JARID2: variants seen among roughly 807,000 people sequenced by gnomAD.
The protein encoded by JARID2 is protein Jumonji.
Under a neutral mutation model 125.6 loss-of-function variants are expected in JARID2, and 21 were observed. The observed-to-expected ratio is 0.17, with a 90% confidence interval of 0.12 to 0.24. The LOEUF is 0.24. JARID2 is among the 10% of genes least tolerant of loss of function. The probability of loss-of-function intolerance (pLI) is 1.00; values close to 1 mark genes in which losing one functional copy is unlikely to be tolerated. For missense variants in JARID2, 1,303 were observed against 1,639.6 expected, an observed-to-expected ratio of 0.79 and a Z score of 3.55; for synonymous variants, 736 against 661.6, an observed-to-expected ratio of 1.11 and a Z score of -1.73.
At position 15,377,888 on chromosome 6, in the gene JARID2, CTT is replaced by C. The variant is rs71772091; in HGVS notation, c.181+3647_181+3648del. ...TTTTTTTTCAATTTTTTTTCTTCTT[CTT>C]TTTTTTTTTTCTTTGAGATGGAGTT... On this transcript the variant is annotated intron_variant, in intron 2 of 17. Coordinates refer to ENST00000341776, the MANE Select transcript of JARID2 (RefSeq NM_004973.4). Among the ~76,000 whole-genome samples, 1,100 of 144,890 alleles carry C rather than the reference CTT, an allele frequency of 7.6e-3. 15 individuals are homozygous for C. Among genetic ancestry groups the C allele is most frequent in the African/African-American group, 0.027 (1,038 of 39,144 alleles).
At chr6:15,418,218 T>C (rs1283898116) in intron 3 of JARID2, among the ~76,000 whole-genome samples, 1 of 13,872 alleles carries the variant, frequency 7.2e-5, no homozygotes, top group Non-Finnish European at 1.5e-4. Flanking sequence ...ATATTCCTCT[T>C]TTTTTTTTTT....
At chr6:15,431,315 T>G (rs1766956325) in intron 3 of JARID2, among the ~76,000 whole-genome samples, 1 of 152,148 alleles carries the variant, frequency 6.6e-6, no homozygotes, top group South Asian at 2.1e-4. Context: ...TTTGAAATGA[T>G]TTAGGAACCC....
At chr6:15,483,803 C>T (rs1224185812) in intron 5 of JARID2, among the ~76,000 whole-genome samples, 7 of 152,266 alleles carry the variant, frequency 4.6e-5, no homozygotes, top group Middle Eastern at 3.4e-3. Context: ...GGAACTCCTA[C>T]GTTTCTCCTT....
intron 3 of JARID2, among the ~76,000 whole-genome samples, chr6:15,447,586 C>G (rs1269241820): frequency 1.3e-5 from 2 of 152,232 alleles, no homozygotes; most frequent in African/African-American, 2.4e-5. Flanking sequence ...ACCCCGTGCT[C>G]TCTCCACCCC....
At chr6:15,454,623 G>T (rs996613401) in intron 4 of JARID2, among the ~76,000 whole-genome samples, 3 of 150,634 alleles carry the variant, frequency 2.0e-5, no homozygotes, top group Non-Finnish European at 2.9e-5. Flanking sequence ...ACCTACAGGC[G>T]CAGGCAACCA....
rs532001311 is a variant in JARID2 at position 15,283,041 on chromosome 6, C to T, written c.45+36457C>T. ...TTGCCCAGGCTGGAGTGTAGTGGCG[C>T]GATCTTGGCTCACTGTAAGCTCTGC... On this transcript the variant is annotated intron_variant, in intron 1 of 17. Coordinates refer to ENST00000341776, the MANE Select transcript of JARID2 (RefSeq NM_004973.4). Among the ~76,000 whole-genome samples, 15 of 151,302 alleles carry T rather than the reference C, an allele frequency of 9.9e-5. No homozygotes were observed. In the South Asian group the frequency reaches 1.3e-3, roughly 13 times the overall value.
chr6:15,404,078 G>A (rs1710212077), intron 2 of JARID2, among the ~76,000 whole-genome samples: 5 of 152,154 alleles, frequency 3.3e-5, no homozygotes, highest in African/African-American at 9.7e-5. Flanking sequence ...TTTGTGCCTC[G>A]TTGACCACAA....
chr6:15,320,192 G>T (rs1461589652), intron 1 of JARID2, among the ~76,000 whole-genome samples: 1 of 152,216 alleles, frequency 6.6e-6, no homozygotes, highest in African/African-American at 2.4e-5. Flanking sequence ...GGTTGTGGAT[G>T]CTTGTGAAGA....
intron 1 of JARID2, among the ~76,000 whole-genome samples, chr6:15,315,414 C>T (rs1350528667): frequency 6.6e-6 from 1 of 152,130 alleles, no homozygotes; most frequent in Admixed American, 6.5e-5. Flanking sequence ...ATTTATTTGA[C>T]CCGTTGCTTT....
rs1412863464 is a variant in JARID2, at chr6:15,497,217, C to G, written c.1945+47C>G. On this transcript the variant is annotated intron_variant, in intron 7 of 17. Coordinates refer to ENST00000341776, the MANE Select transcript of JARID2 (RefSeq NM_004973.4). ...GGGGGTGGTGCCTGCCCTCCTGCCCCCAGATCCCTGCAGTTCCCTCACAGT... is the reference window on the plus strand; with the variant it reads ...GGGGGTGGTGCCTGCCCTCCTGCCCGCAGATCCCTGCAGTTCCCTCACAGT... 6.5e-6 allele frequency: 9 copies of G among 1,384,854 alleles called. No individual in the cohort carries two copies. In the East Asian group the frequency reaches 2.0e-4, roughly 31 times the overall value. 85.8% of individuals were successfully genotyped at this position (1,384,854 alleles called of 1,614,324 possible). A position where few individuals can be genotyped will look rare whatever the true frequency, so the allele number is the denominator to read the frequency against.
intron 1 of JARID2, among the ~76,000 whole-genome samples, chr6:15,365,610 T>C (rs1303100579): frequency 6.6e-6 from 1 of 150,578 alleles, no homozygotes; most frequent in East Asian, 1.9e-4. Context: ...TAATCCAATT[T>C]CAGCTGCAGC....
rs184203987 is a variant in JARID2, at chr6:15,445,697, A to G, written c.324-6309A>G. Among the ~76,000 whole-genome samples, 225 of 152,300 alleles carry G rather than the reference A, an allele frequency of 1.5e-3. 2 individuals carry two copies. Among genetic ancestry groups the G allele is most frequent in the Non-Finnish European group, 3.7e-4 (25 of 68,032 alleles). Reference sequence around the variant, plus strand: ...GGCCTGGGAACAGTTGTGCTGTGTGAGGCCATGTGGAATACAATGAAATGC... The same window carrying G: ...GGCCTGGGAACAGTTGTGCTGTGTGGGGCCATGTGGAATACAATGAAATGC... On this transcript the variant is annotated intron_variant, in intron 3 of 17. Transcript: ENST00000341776.
At position 15,246,223 on chromosome 6, in the gene JARID2, G is replaced by C. The variant is rs1444637533; in HGVS notation, c.-317G>C. On this transcript the variant is annotated 5_prime_UTR_variant, in exon 1 of 18. Transcript: ENST00000341776. ...GATGTAGTTTTTGGAGGAAAAAGGG[G>C]GGGGAGTGAAGGGCGTCGGTTTTTT... 1 of 471,708 alleles carries C rather than the reference G, an allele frequency of 2.1e-6. No homozygotes were observed. Among genetic ancestry groups the C allele is most frequent in the Non-Finnish European group, 3.7e-6 (1 of 269,828 alleles). The allele number at this position is 471,708 out of a possible 1,614,324, so 29.2% of individuals were successfully genotyped here. A position where few individuals can be genotyped will look rare whatever the true frequency, so the allele number is the denominator to read the frequency against.
At chr6:15,432,267 A>G (rs1766998241) in intron 3 of JARID2, among the ~76,000 whole-genome samples, 1 of 152,162 alleles carries the variant, frequency 6.6e-6, no homozygotes. Context: ...TGTCTCTACT[A>G]AAAATACAAA....
intron 5 of JARID2, among the ~76,000 whole-genome samples, chr6:15,486,804 G>T (rs958853384): frequency 1.2e-4 from 6 of 49,160 alleles, no homozygotes; most frequent in African/African-American, 4.5e-4. Context: ...TCTGAGAATA[G>T]ACTTTTTTTT....
chr6:15,392,204 C>T (rs1055576241), intron 2 of JARID2, among the ~76,000 whole-genome samples: 1 of 152,068 alleles, frequency 6.6e-6, no homozygotes, highest in Admixed American at 6.6e-5. Flanking sequence ...GGCCTAAAAC[C>T]ATTTCTAATA....
At chr6:15,386,132 G>T (rs1480624154) in intron 2 of JARID2, among the ~76,000 whole-genome samples, 1 of 152,056 alleles carries the variant, frequency 6.6e-6, no homozygotes. Flanking sequence ...AATTTAATGG[G>T]CCTTAGGTGT....
At chr6:15,505,570 G>A (rs1444532276) in intron 9 of JARID2, among the ~76,000 whole-genome samples, 1 of 152,206 alleles carries the variant, frequency 6.6e-6, no homozygotes, top group Non-Finnish European at 1.5e-5. Flanking sequence ...AGCTTAGGAT[G>A]TCCAGCCCTG....
chr6:15,437,568 TTTTCTCTACCCTCTTAAGTTCAG>T (rs1455579694), intron 3 of JARID2, among the ~76,000 whole-genome samples: 3 of 152,146 alleles, frequency 2.0e-5, no homozygotes, highest in African/African-American at 7.2e-5. Flanking sequence ...AAGAGGAACT[TTTTCTCTACCCTCTTAAGTTCAG>T]TTTTGGGGAG....
Sources: allele counts gnomAD v4.1 joint callset (sites outside exome capture counted in the v4.1 genomes callset), GRCh38; gene constraint gnomAD v4.1.1; transcripts MANE v1.5; gene names NCBI Gene and HGNC (gene_info 2026-07-23, HGNC 2026-07-21).